SP4: variants seen among roughly 807,000 people sequenced by gnomAD.
The protein encoded by SP4 is transcription factor Sp4.
Under a neutral mutation model 72.8 loss-of-function variants are expected in SP4, and 19 were observed. That is an observed-to-expected ratio of 0.26 (90% CI 0.18 to 0.38). SP4 has a LOEUF of 0.38. Ranked by LOEUF, SP4 falls within the 10% of genes least tolerant of loss-of-function variation. The pLI is 1.00. For missense variants in SP4, 1,008 were observed against 926.3 expected, an observed-to-expected ratio of 1.09 and a Z score of -1.14; for synonymous variants, 395 against 333.1, an observed-to-expected ratio of 1.19 and a Z score of -2.02.
intron 3 of SP4, among the ~76,000 whole-genome samples, chr7:21,458,867 A>G (rs1416385997): frequency 6.6e-6 from 1 of 151,996 alleles, no homozygotes; most frequent in African/African-American, 2.4e-5. Flanking sequence ...GTATTTCCTG[A>G]TTGCTCAATT....
chr7:21,471,690 T>C (rs1009654321), intron 3 of SP4, among the ~76,000 whole-genome samples: 3 of 152,034 alleles, frequency 2.0e-5, no homozygotes, highest in Non-Finnish European at 4.4e-5. Context: ...AAAAATTAAC[T>C]AGGTGTGGTG....
At chr7:21,458,027 GAGT>G (rs1783825969) in intron 3 of SP4, among the ~76,000 whole-genome samples, 2 of 152,154 alleles carry the variant, frequency 1.3e-5, no homozygotes, top group African/African-American at 4.8e-5. Flanking sequence ...TTACTCTTAA[GAGT>G]TTTTATAACT....
chr7:21,466,717 A>G (rs777016002), intron 3 of SP4, among the ~76,000 whole-genome samples: 1 of 152,142 alleles, frequency 6.6e-6, no homozygotes. Flanking sequence ...CTACAGGAAA[A>G]CATGTCATTG....
intron 3 of SP4, among the ~76,000 whole-genome samples, chr7:21,471,894 A>G (rs1051181313): frequency 1.4e-4 from 21 of 152,340 alleles, no homozygotes; most frequent in Non-Finnish European, 3.1e-4. Flanking sequence ...CAATATATGG[A>G]AAACATCCAG....
intron 3 of SP4, chr7:21,470,983 G>C: frequency 2.0e-6 from 1 of 500,028 alleles, no homozygotes; most frequent in Non-Finnish European, 4.1e-6. Flanking sequence ...ACTAAAATCT[G>C]TAAGATGAAT....
rs185464005 is a variant in SP4, at chr7:21,446,606, A to G, written c.1678+15763A>G. ...TGAAATACTTGAGGTACTTTCATTT[A>G]GTGTTAGGATTCTATAGGTACTTTC... On this transcript the variant is annotated intron_variant, in intron 3 of 5. Coordinates refer to ENST00000222584, the MANE Select transcript of SP4 (RefSeq NM_003112.5). Among the ~76,000 whole-genome samples the G allele has an allele frequency of 4.9e-4, 75 of 152,296 alleles. 1 individual carries two copies. Among genetic ancestry groups the G allele is most frequent in the Middle Eastern group, 3.4e-3 (1 of 294 alleles).
intron 3 of SP4, among the ~76,000 whole-genome samples, chr7:21,433,075 G>A (rs1782919381): frequency 6.6e-6 from 1 of 152,204 alleles, no homozygotes; most frequent in African/African-American, 2.4e-5. Flanking sequence ...GGAAGCAAGT[G>A]GGGGTGTTGA....
chr7:21,464,936 ATTTATTTTTCACC>A (rs1784122131), intron 3 of SP4, among the ~76,000 whole-genome samples: 1 of 152,122 alleles, frequency 6.6e-6, no homozygotes, highest in African/African-American at 2.4e-5. Flanking sequence ...TCCTTTTTTG[ATTTATTTTTCACC>A]ATCAACTTAG....
intron 3 of SP4, among the ~76,000 whole-genome samples, chr7:21,459,521 T>G (rs1783885657): frequency 6.6e-6 from 1 of 152,210 alleles, no homozygotes; most frequent in Admixed American, 6.5e-5. Flanking sequence ...CCATAAACTC[T>G]TTGTGTTTTA....
In SP4 at chr7:21,430,788, G is replaced by C; in HGVS notation, c.1623G>C (p.Leu541=). The C allele has an allele frequency of 6.2e-7, 1 of 1,614,118 alleles. No homozygotes were observed. Among genetic ancestry groups the C allele is most frequent in the Non-Finnish European group, 8.5e-7 (1 of 1,179,996 alleles). Residue 541 remains leucine, a synonymous_variant, in exon 3 of 6, where the codon CTG becomes CTC. Coordinates refer to ENST00000222584, the MANE Select transcript of SP4 (RefSeq NM_003112.5). ...TTCAGACAGTGAGCGTTGCCAACCTGGGTGCTGCAGGTGTTCAAGTGCAGG... is the reference window on the plus strand; with the variant it reads ...TTCAGACAGTGAGCGTTGCCAACCTCGGTGCTGCAGGTGTTCAAGTGCAGG... ...PNLQTVSVAN[L]GAAGVQVQGV...
intron 5 of SP4, among the ~76,000 whole-genome samples, chr7:21,485,210 C>T (rs577591884): frequency 1.3e-5 from 2 of 151,970 alleles, no homozygotes; most frequent in East Asian, 1.9e-4. Context: ...CTTAACCATT[C>T]GTAGCAACAA....
At chr7:21,437,191 C>T (rs1049257197) in intron 3 of SP4, among the ~76,000 whole-genome samples, 1 of 152,114 alleles carries the variant, frequency 6.6e-6, no homozygotes, top group African/African-American at 2.4e-5. Context: ...GATAACCGTC[C>T]TTAGCAAAGT....
intron 3 of SP4, among the ~76,000 whole-genome samples, chr7:21,464,026 G>T (rs1395401780): frequency 1.3e-5 from 2 of 151,548 alleles, no homozygotes; most frequent in Non-Finnish European, 2.9e-5. Flanking sequence ...ACAGTGCTTA[G>T]AACACAGAAA....
intron 3 of SP4, among the ~76,000 whole-genome samples, chr7:21,473,385 CAT>C (rs1262744889): frequency 6.6e-6 from 1 of 152,114 alleles, no homozygotes; most frequent in Non-Finnish European, 1.5e-5. Context: ...AAGATGAAAT[CAT>C]TTTTTATTTT....
intron 3 of SP4, among the ~76,000 whole-genome samples, chr7:21,465,991 C>T (rs7810869): frequency 2.2e-4 from 34 of 152,260 alleles, no homozygotes; most frequent in African/African-American, 7.5e-4. Context: ...TAAATATAGC[C>T]TTCCCACTGC....
intron 3 of SP4, among the ~76,000 whole-genome samples, chr7:21,445,671 A>T (rs897609882): frequency 7.9e-5 from 12 of 152,144 alleles, no homozygotes; most frequent in Admixed American, 2.0e-4. Context: ...GAAAGTTTAA[A>T]TAATTTGCCT....
intron 3 of SP4, among the ~76,000 whole-genome samples, chr7:21,470,206 CTTTA>C (rs1784292651): frequency 6.6e-6 from 1 of 152,194 alleles, no homozygotes; most frequent in African/African-American, 2.4e-5. Context: ...TTATCATTCG[CTTTA>C]TTTAAGAAAC....
chr7:21,489,231 A>G (rs1784904810), intron 5 of SP4, among the ~76,000 whole-genome samples: 1 of 152,210 alleles, frequency 6.6e-6, no homozygotes, highest in Non-Finnish European at 1.5e-5. Context: ...TTCATTTGGG[A>G]ATGAAACTTC....
At chr7:21,455,733 T>G (rs902903775) in intron 3 of SP4, among the ~76,000 whole-genome samples, 1 of 152,238 alleles carries the variant, frequency 6.6e-6, no homozygotes, top group African/African-American at 2.4e-5. Flanking sequence ...TCTGTTAGCC[T>G]GGAACCAACC....
Sources: allele counts gnomAD v4.1 joint callset (sites outside exome capture counted in the v4.1 genomes callset), GRCh38; gene constraint gnomAD v4.1.1; transcripts MANE v1.5; gene names NCBI Gene and HGNC (gene_info 2026-07-23, HGNC 2026-07-21).